The following MUC5B variants were observed in gnomAD, a reference collection of about 807,000 sequenced individuals.
MUC5B encodes the protein mucin 5B, oligomeric mucus/gel-forming.
A neutral mutation model predicts 376.9 loss-of-function variants in MUC5B; 116 were observed. The observed-to-expected ratio is 0.31, with a 90% CI of 0.26 to 0.36. The LOEUF (loss-of-function observed/expected upper bound fraction) is 0.36. Among genes scored for constraint, MUC5B ranks in the 10% least tolerant of loss-of-function variants. The probability of loss-of-function intolerance (pLI) is 1.00; values close to 1 mark genes in which losing one functional copy is unlikely to be tolerated. For synonymous variants in MUC5B, 3,517 were observed against 3,390.9 expected, an observed-to-expected ratio of 1.04 and a Z score of -1.29; for missense variants, 7,165 against 7,769.9, an observed-to-expected ratio of 0.92 and a Z score of 2.93.
rs375205889 is a variant in MUC5B at position 1,248,953 on chromosome 11, C to T, written c.12073C>T (p.Arg4025Cys). The change falls in exon 31 of 49, where the codon CGC becomes TGC. Residue 4025 changes from arginine to cysteine, a missense_variant. By Grantham distance (180) the Arg-to-Cys change is radical (BLOSUM62 -3). Transcript: ENST00000529681. ...GTCCCCCAGCAGTCCCCACACGGTG[C>T]GCACAGCCTGGACTTCGGCCACCTC... Reference protein sequence around the residue: ...SLSPSSPHTVRTAWTSATSGT... With the variant: ...SLSPSSPHTVCTAWTSATSGT... 1.5e-4 allele frequency: 233 copies of T among 1,603,180 alleles called. No homozygotes were observed. The highest frequency in any genetic ancestry group is 4.2e-4 in the East Asian group (19 of 44,716).
chr11:1,240,267 A>T lies in MUC5B; in HGVS notation c.3862A>T (p.Ile1288Phe). 6.2e-7 allele frequency: 1 copy of T among 1,613,710 alleles called. No individual in the cohort carries two copies. Among genetic ancestry groups the T allele is most frequent in the Non-Finnish European group, 8.5e-7 (1 of 1,179,694 alleles). ...TGGGCTTGGCGCCTGCTTGATCGCCATCTGCGGAAGCAACGGCACCATCAT... is the reference window on the plus strand; with the variant it reads ...TGGGCTTGGCGCCTGCTTGATCGCCTTCTGCGGAAGCAACGGCACCATCAT... ...TDGLGACLIA[I>F]CGSNGTIIRK... Residue 1288 changes from isoleucine (I) to phenylalanine (F), a missense_variant, in exon 30 of 49, where the codon ATC becomes TTC. This residue lies in a region of MUC5B where 517 missense variants were observed against 545.3 expected (regional missense o/e 0.95). Transcript: ENST00000529681.
In MUC5B at chr11:1,258,459, A is replaced by T; in HGVS notation, c.16593+92A>T. ...TCTCTGAGCCCCACTCCTTGTCTTG[A>T]CATTCCTGCCCTGAGGGCCGATCCG... On this transcript the variant is annotated intron_variant, in intron 43 of 48. Transcript: ENST00000529681. This position sits in a 1 kb window ranked among gnomAD's most constrained non-coding sequence, Gnocchi z 5.5. 2.7e-6 allele frequency: 4 copies of T among 1,477,698 alleles called. No individual in the cohort carries two copies. Among genetic ancestry groups the T allele is most frequent in the Non-Finnish European group, 3.7e-6 (4 of 1,084,810 alleles). The allele number at this position is 1,477,698 out of a possible 1,614,324, so 91.5% of individuals were successfully genotyped here. A position where few individuals can be genotyped will look rare whatever the true frequency, so the allele number is the denominator to read the frequency against.
rs1395255763 is a variant in MUC5B at position 1,226,186 on chromosome 11, G to A, written c.128-19G>A. 1 of 1,545,860 alleles carries A rather than the reference G, an allele frequency of 6.5e-7. No individual in the cohort carries two copies. The highest frequency in any genetic ancestry group is 8.7e-7 in the Non-Finnish European group (1 of 1,146,396). On this transcript the variant is annotated intron_variant, in intron 2 of 48. Coordinates refer to ENST00000529681, the MANE Select transcript of MUC5B (RefSeq NM_002458.3). Reference sequence around the variant, plus strand: ...CCCTTCCTGGCCACGTTCCTGGGGTGACCAGCCTTCACCCACAGGTGCCCC... The same window carrying A: ...CCCTTCCTGGCCACGTTCCTGGGGTAACCAGCCTTCACCCACAGGTGCCCC...
intron 29 of MUC5B, 27 bp from the exon 30 acceptor site, chr11:1,240,151 G>A: frequency 6.3e-7 from 1 of 1,580,446 alleles, no homozygotes; most frequent in Non-Finnish European, 8.6e-7. Context: ...CGGAGGCCCT[G>A]GGTGACTCTG....
Position 1,240,217 on chromosome 11 carries a change from A to G in MUC5B, c.3812A>G (p.Gln1271Arg). ...CTYEDRTYSY[Q>R]DVIYNTTDGL... Reference sequence around the variant, plus strand: ...TATGAGGACAGGACCTACAGCTACCAGGACGTCATCTACAACACCACCGAT... The same window carrying G: ...TATGAGGACAGGACCTACAGCTACCGGGACGTCATCTACAACACCACCGAT... The change falls in exon 30 of 49, where the codon CAG becomes CGG. Residue 1271 changes from glutamine to arginine, a missense_variant. Around this residue, in one of 31 missense-constraint regions of MUC5B, gnomAD observed 517 missense variants for 545.3 expected, o/e 0.95. Coordinates refer to ENST00000529681, the MANE Select transcript of MUC5B (RefSeq NM_002458.3). 6.2e-7 allele frequency: 1 copy of G among 1,612,500 alleles called. No homozygotes were observed. The highest frequency in any genetic ancestry group is 8.5e-7 in the Non-Finnish European group (1 of 1,178,870).
rs1862642072 is a variant in MUC5B at position 1,250,398 on chromosome 11, C to T, written c.13518C>T (p.Ala4506=). 1 of 1,613,062 alleles carries T rather than the reference C, an allele frequency of 6.2e-7. No individual in the cohort carries two copies. Residue 4506 remains alanine (A), a synonymous_variant, in exon 31 of 49, where the codon GCC becomes GCT. Coordinates refer to ENST00000529681, the MANE Select transcript of MUC5B (RefSeq NM_002458.3). ...TPSSSPGTAT[A]LPALRSTATT... ...CCTCCAGTCCAGGGACTGCAACTGC[C>T]CTTCCAGCACTGAGAAGCACAGCCA...
intron 31 of MUC5B, 24 bp from the exon 32 acceptor site, chr11:1,252,319 T>C: frequency 6.6e-7 from 1 of 1,524,478 alleles, no homozygotes; most frequent in Non-Finnish European, 8.8e-7. Context: ...GTGGCTTATC[T>C]TTCTATGGTG....
rs753096895 is a variant in MUC5B, at chr11:1,236,500, G to A, written c.2995G>A (p.Gly999Arg). The A allele has an allele frequency of 1.8e-5, 29 of 1,613,020 alleles. No individual in the cohort carries two copies. Among genetic ancestry groups the A allele is most frequent in the African/African-American group, 8.0e-5 (6 of 74,922 alleles). The change falls in exon 24 of 49, where the codon GGG becomes AGG. Residue 999 changes from glycine to arginine, a missense_variant. Around this residue, in one of 31 missense-constraint regions of MUC5B, gnomAD observed 530 missense variants for 604.0 expected, o/e 0.88. Transcript: ENST00000529681. The part of the protein sequence containing the change: ...MGIFLVIETH[G>R]MAVSWDRKTS... ...GATCTTCCTGGTCATCGAGACCCAC[G>A]GGATGGCCGTGTCCTGGGACCGGAA...
intron 25 of MUC5B, among the ~76,000 whole-genome samples, chr11:1,237,707 A>C (rs1288458603): frequency 6.6e-6 from 1 of 152,100 alleles, no homozygotes; most frequent in Admixed American, 6.6e-5. Context: ...CCGTCTCTAC[A>C]AAAAATACAA....
intron 1 of MUC5B, 100 bp from the exon 2 acceptor site, chr11:1,225,581 A>T: frequency 9.1e-7 from 1 of 1,095,776 alleles, no homozygotes; most frequent in South Asian, 1.5e-5. Flanking sequence ...AGGACCCCAC[A>T]TGCGGCTGCC....
chr11:1,251,541 C>T lies in MUC5B; in HGVS notation c.14661C>T (p.Pro4887=). The T allele has an allele frequency of 6.2e-7, 1 of 1,600,344 alleles. No individual in the cohort carries two copies. Among genetic ancestry groups the T allele is most frequent in the Non-Finnish European group, 8.5e-7 (1 of 1,171,554 alleles). Residue 4887 remains proline (P), a synonymous_variant, in exon 31 of 49, where the codon CCC becomes CCT. Transcript: ENST00000529681. ...PKVVTTMATM[P]TATASTVPSS... is the part of the protein sequence containing the mutation. ...TGGTGACCACCATGGCCACTATGCC[C>T]ACAGCCACTGCCTCCACGGTTCCCA...
chr11:1,234,565 C>G lies in MUC5B; in HGVS notation c.2515C>G (p.Pro839Ala). ...THCVSGCVCP[P>A]GLVSDGSGGC... ...CTGCGTGTCCGGCTGTGTCTGTCCC[C>G]CGGGGCTGGTGTCGGATGGGAGTGG... Residue 839 changes from proline (P) to alanine (A), a missense_variant, in exon 21 of 49, where the codon CCG becomes GCG. By Grantham distance (27) the Pro-to-Ala change is conservative (BLOSUM62 -1). Around this residue, in one of 31 missense-constraint regions of MUC5B, gnomAD observed 530 missense variants for 604.0 expected, o/e 0.88. Transcript: ENST00000529681. This position sits in a 1 kb window ranked among gnomAD's most constrained non-coding sequence, Gnocchi z 6.3. The G allele has an allele frequency of 1.3e-6, 2 of 1,582,142 alleles. No homozygotes were observed. Among genetic ancestry groups the G allele is most frequent in the Middle Eastern group, 1.7e-4 (1 of 6,020 alleles).
chr11:1,229,843 G>A (rs1346890350), intron 10 of MUC5B, 36 bp downstream of exon 10: 1 of 1,558,674 alleles, frequency 6.4e-7, no homozygotes, highest in Admixed American at 1.9e-5. Flanking sequence ...CCTGGGGTGG[G>A]GTGTGGAGCT....
rs1862650344 is a variant in MUC5B, at chr11:1,250,559, A to G, written c.13679A>G (p.His4560Arg). Residue 4560 changes from histidine (H) to arginine (R), a missense_variant, in exon 31 of 49, where the codon CAC becomes CGC. This residue lies in a region of MUC5B where 730 missense variants were observed against 592.7 expected (regional missense o/e 1.23). Coordinates refer to ENST00000529681, the MANE Select transcript of MUC5B (RefSeq NM_002458.3). ...CCCTCCTCCACTCCAGAGACTGTCC[A>G]CACCTCCACAGTGCTTACCGCCACG... Reference protein sequence around the residue: ...ATPSSTPETVHTSTVLTATAT... With the variant: ...ATPSSTPETVRTSTVLTATAT... 1 of 1,611,162 alleles carries G rather than the reference A, an allele frequency of 6.2e-7. No individual in the cohort carries two copies. Among genetic ancestry groups the G allele is most frequent in the Non-Finnish European group, 8.5e-7 (1 of 1,179,348 alleles).
rs769715668 is a variant in MUC5B, at chr11:1,232,731, A to G, written c.2026A>G (p.Lys676Glu). Reference sequence around the variant, plus strand: ...CTCCTATGTGCACGCCTGTGCCGCCAAGGGCGTACAGCTCAGCGACTGGAG... The same window carrying G: ...CTCCTATGTGCACGCCTGTGCCGCCGAGGGCGTACAGCTCAGCGACTGGAG... ...LSSYVHACAA[K>E]GVQLSDWRDG... Residue 676 changes from lysine to glutamate, a missense_variant, in exon 17 of 49, where the codon AAG (lysine) becomes GAG (glutamate). This residue lies in a region of MUC5B where 530 missense variants were observed against 604.0 expected (regional missense o/e 0.88). Coordinates refer to ENST00000529681, the MANE Select transcript of MUC5B (RefSeq NM_002458.3). The G allele has an allele frequency of 3.1e-6, 5 of 1,601,582 alleles. No individual in the cohort carries two copies. The Admixed American group carries it at 6.8e-5, about 22-fold the overall frequency.
Position 1,239,438 on chromosome 11 carries a change from C to A in MUC5B, c.3455C>A (p.Pro1152His), listed in dbSNP as rs749302999. The change falls in exon 27 of 49, where the codon CCC (proline) becomes CAC (histidine). Residue 1152 changes from proline (P) to histidine (H), a missense_variant and splice_region_variant. This residue lies in a region of MUC5B where 143 missense variants were observed against 193.2 expected (regional missense o/e 0.74). Transcript: ENST00000529681. Reference protein sequence around the residue: ...CVSWRTPDTCPLFCDFYNPHG... With the variant: ...CVSWRTPDTCHLFCDFYNPHG... Reference sequence around the variant, plus strand: ...TTAGCCTCTGCCCTCTGTGCCCCAGCCTTGTTCTGTGACTTCTACAACCCA... The same window carrying A: ...TTAGCCTCTGCCCTCTGTGCCCCAGACTTGTTCTGTGACTTCTACAACCCA... 1.2e-6 allele frequency: 2 copies of A among 1,606,744 alleles called. No individual in the cohort carries two copies. The highest frequency in any genetic ancestry group is 1.7e-6 in the Non-Finnish European group (2 of 1,175,400).
At position 1,254,366 on chromosome 11, in the gene MUC5B, C is replaced by T. The variant is rs775161666; in HGVS notation, c.15477+15C>T. ...AGGAGGGCCTGGTGAGTCCAGGCTG[C>T]GGGTGGCACAGTGTTGGCCCAGTCC... On this transcript the variant is annotated intron_variant, in intron 34 of 48. Transcript: ENST00000529681. 2.4e-5 allele frequency: 39 copies of T among 1,597,768 alleles called. No homozygotes were observed. Among genetic ancestry groups the T allele is most frequent in the Admixed American group, 3.3e-5 (2 of 59,948 alleles).
chr11:1,231,531 TG>T lies in MUC5B; in HGVS notation c.1651del (p.Asp551ThrfsTer75). On this transcript the variant is annotated frameshift_variant, in exon 14 of 49. Transcript: ENST00000529681. LOFTEE classifies it high-confidence loss of function. ...CCACTCATGCAGGTGTTTGTCAGGC[TG>T]GACCCCGCCCACCAGGGCCAGATGT... ...LVPLMQVFVR[L>X]DPAHQGQMCG... The T allele has an allele frequency of 6.3e-7, 1 of 1,591,290 alleles. No homozygotes were observed.
At chr11:1,238,780 C>T in intron 25 of MUC5B, 91 bp from the exon 26 acceptor site, 1 of 1,383,750 alleles carries the variant, frequency 7.2e-7, no homozygotes, top group Non-Finnish European at 9.9e-7. Context: ...TGTTGAAATA[C>T]AGATGGTTCC....
Sources: allele counts gnomAD v4.1 joint callset (sites outside exome capture counted in the v4.1 genomes callset), GRCh38; gene constraint gnomAD v4.1.1; regional missense constraint gnomAD v4.1.1; non-coding constraint Gnocchi (gnomAD v3.1); transcripts MANE v1.5; gene names NCBI Gene and HGNC (gene_info 2026-07-23, HGNC 2026-07-21).